The following LRSAM1 variants were observed in gnomAD, a reference collection of about 807,000 sequenced individuals.
LRSAM1 encodes the protein leucine rich repeat and sterile alpha motif containing 1.
Under a neutral mutation model 118.1 loss-of-function variants are expected in LRSAM1, and 96 were observed. That is an observed-to-expected ratio of 0.81 (90% confidence interval 0.69 to 0.96). LRSAM1 has a LOEUF of 0.96. Ranked by LOEUF, LRSAM1 falls within the 40% of genes least tolerant of loss-of-function variation. The probability of loss-of-function intolerance (pLI) is 0.00; values close to 1 mark genes in which losing one functional copy is unlikely to be tolerated. For synonymous variants in LRSAM1, 322 were observed against 364.2 expected, an observed-to-expected ratio of 0.88 and a Z score of 1.32; for missense variants, 804 against 915.5, an observed-to-expected ratio of 0.88 and a Z score of 1.57.
chr9:127,453,170 C>T (rs767773449), intron 2 of LRSAM1, among the ~76,000 whole-genome samples: 3 of 152,198 alleles, frequency 2.0e-5, no homozygotes, highest in African/African-American at 7.2e-5. Context: ...CAACCTCTGC[C>T]TCCTGGGTTC....
intron 10 of LRSAM1, among the ~76,000 whole-genome samples, chr9:127,471,732 A>C (rs1455203956): frequency 1.3e-5 from 2 of 151,468 alleles, no homozygotes; most frequent in Non-Finnish European, 2.9e-5. Context: ...GGCTGCAGTG[A>C]GCTGAGATCT....
intron 6 of LRSAM1, 72 bp from the exon 7 acceptor site, chr9:127,458,931 C>T: frequency 5.9e-6 from 9 of 1,522,594 alleles, no homozygotes; most frequent in Non-Finnish European, 8.2e-6. Context: ...CCCAGCCCCT[C>T]CTCAGCGCTC....
At chr9:127,458,781 C>G (rs1405874521) in intron 6 of LRSAM1, among the ~76,000 whole-genome samples, 1 of 152,048 alleles carries the variant, frequency 6.6e-6, no homozygotes, top group Non-Finnish European at 1.5e-5. Flanking sequence ...CATAGTTTTT[C>G]AGTTAACAGT....
chr9:127,474,062 G>C (rs994187163), intron 11 of LRSAM1, 131 bp downstream of exon 11: 1 of 1,436,274 alleles, frequency 7.0e-7, no homozygotes, highest in African/African-American at 1.4e-5. Flanking sequence ...CATAGAACTA[G>C]AACTGGCCTC....
chr9:127,466,326 A>G (rs540684561), intron 9 of LRSAM1, among the ~76,000 whole-genome samples: 29 of 151,836 alleles, frequency 1.9e-4, no homozygotes, highest in Non-Finnish European at 3.2e-4. Context: ...TAATAATAAT[A>G]GCATTTCATG....
chr9:127,484,198 A>G (rs918187500), intron 16 of LRSAM1, among the ~76,000 whole-genome samples: 58 of 150,370 alleles, frequency 3.9e-4, no homozygotes, highest in Middle Eastern at 7.2e-3. Flanking sequence ...TGTGTCTACC[A>G]TATTTCACTT....
chr9:127,468,883 G>GGAGGCTGAGGTGGAAGGATCATTT (rs1835063301), intron 10 of LRSAM1, among the ~76,000 whole-genome samples: 1 of 151,498 alleles, frequency 6.6e-6, no homozygotes, highest in African/African-American at 2.4e-5. Flanking sequence ...CAGCTACTTG[G>GGAGGCTGAGGTGGAAGGATCATTT]GAGGCTGAGG....
At chr9:127,498,413 C>T (rs919628325) in intron 24 of LRSAM1, among the ~76,000 whole-genome samples, 4 of 152,236 alleles carry the variant, frequency 2.6e-5, no homozygotes, top group Admixed American at 6.5e-5. Context: ...GGGTCACCCC[C>T]GGCAGACAAG....
intron 16 of LRSAM1, 96 bp downstream of exon 16, chr9:127,483,116 C>G: frequency 8.5e-7 from 1 of 1,174,898 alleles, no homozygotes; most frequent in Non-Finnish European, 1.3e-6. Context: ...ATGGAGGGCC[C>G]TGAGTGTTAG....
At chr9:127,481,963 G>A (rs932198927) in intron 15 of LRSAM1, among the ~76,000 whole-genome samples, 2 of 150,874 alleles carry the variant, frequency 1.3e-5, no homozygotes, top group Non-Finnish European at 3.0e-5. Flanking sequence ...AAGAAATTCA[G>A]AAAAAAAATC....
rs937596096 is a variant in LRSAM1, at chr9:127,458,938, G to A, written c.253-65G>A. 113 of 1,561,986 alleles carry A rather than the reference G, an allele frequency of 7.2e-5. No homozygotes were observed. In the South Asian group the frequency reaches 1.0e-3, roughly 14 times the overall value. On this transcript the variant is annotated intron_variant, in intron 6 of 25. Coordinates refer to ENST00000300417, the MANE Select transcript of LRSAM1 (RefSeq NM_001005373.4). ...GAGGTGGCCCCAGCCCCTCCTCAGC[G>A]CTCTGGAGCCCGGAGTCTGAGGGAC...
Position 127,457,232 on chromosome 9 carries a change from G to C in LRSAM1, c.175-84G>C, listed in dbSNP as rs1214516241. ...GAGCAAGATGGTGGGGCGTGGCACG[G>C]CGCTGGGCTGGCTCCCACGCCCTTA... On this transcript the variant is annotated intron_variant, in intron 5 of 25. Transcript: ENST00000300417. 2.0e-6 allele frequency: 3 copies of C among 1,497,304 alleles called. No individual in the cohort carries two copies. In the African/African-American group the frequency reaches 4.1e-5, roughly 21 times the overall value. The allele number at this position is 1,497,304 out of a possible 1,614,324, so 92.8% of individuals were successfully genotyped here. A position where few individuals can be genotyped will look rare whatever the true frequency, so the allele number is the denominator to read the frequency against.
chr9:127,471,731 G>T (rs1397358085), intron 10 of LRSAM1, among the ~76,000 whole-genome samples: 2 of 151,386 alleles, frequency 1.3e-5, no homozygotes, highest in Non-Finnish European at 2.9e-5. Flanking sequence ...AGGCTGCAGT[G>T]AGCTGAGATC....
At chr9:127,487,819 A>G in intron 18 of LRSAM1, 56 bp downstream of exon 18, 1 of 1,483,740 alleles carries the variant, frequency 6.7e-7, no homozygotes, top group Non-Finnish European at 9.3e-7. Context: ...TTCAGGAGCC[A>G]GGGCAGAGTG....
intron 11 of LRSAM1, among the ~76,000 whole-genome samples, chr9:127,475,520 A>G (rs1245252719): frequency 2.6e-5 from 4 of 152,016 alleles, no homozygotes; most frequent in Admixed American, 6.6e-5. Flanking sequence ...CAAACATTTA[A>G]AAATGCCAAC....
At chr9:127,494,032 CAT>C (rs1202085426) in intron 21 of LRSAM1, among the ~76,000 whole-genome samples, 2 of 152,258 alleles carry the variant, frequency 1.3e-5, no homozygotes, top group Non-Finnish European at 2.9e-5. Context: ...ATCTCCTACG[CAT>C]CAGGTTACTT....
intron 21 of LRSAM1, among the ~76,000 whole-genome samples, chr9:127,494,945 GGTTTT>G (rs1055802792): frequency 6.6e-5 from 10 of 152,214 alleles, no homozygotes; most frequent in African/African-American, 1.7e-4. Flanking sequence ...CCATCATTTT[GGTTTT>G]GTTTTGTTTT....
At chr9:127,484,670 T>C (rs978373939) in intron 16 of LRSAM1, among the ~76,000 whole-genome samples, 2 of 152,098 alleles carry the variant, frequency 1.3e-5, no homozygotes, top group Non-Finnish European at 2.9e-5. Context: ...CTACATTTTC[T>C]TTATCCATTC....
At chr9:127,453,432 C>CT (rs34968274) in intron 2 of LRSAM1, 92,042 of 152,004 alleles carry the variant, frequency 0.61, 28,186 homozygotes, top group African/African-American at 0.63. Context: ...GGAATAATAA[C>CT]GAGGGTGGTA....
Sources: allele counts gnomAD v4.1 joint callset (sites outside exome capture counted in the v4.1 genomes callset), GRCh38; gene constraint gnomAD v4.1.1; transcripts MANE v1.5; gene names NCBI Gene and HGNC (gene_info 2026-07-23, HGNC 2026-07-21).